The following ABL2 variants were observed in gnomAD, a reference collection of about 807,000 sequenced individuals.
ABL2 encodes tyrosine-protein kinase ABL2.
Under a neutral mutation model 107.7 loss-of-function variants are expected in ABL2, and 49 were observed. The ratio of observed to expected loss-of-function variants is 0.45; its 90% confidence interval spans 0.36 to 0.58. The LOEUF (loss-of-function observed/expected upper bound fraction) is 0.58. ABL2 is among the 20% of genes least tolerant of loss of function. The pLI, the probability that ABL2 is intolerant of heterozygous loss-of-function variation, is 0.00. For missense variants in ABL2, 1,245 were observed against 1,457.0 expected (o/e 0.85, Z 2.37); for synonymous variants, 549 against 548.6 (o/e 1.00, Z -0.01).
In ABL2 at chr1:179,121,854, G is replaced by A. The variant is rs779958436; in HGVS notation, c.701C>T (p.Ala234Val). 65 of 1,608,406 alleles carry A rather than the reference G, an allele frequency of 4.0e-5. No homozygotes were observed. The Middle Eastern group carries it at 5.1e-4, about 13-fold the overall frequency. Residue 234 changes from alanine (A) to valine (V), a missense_variant, in exon 5 of 12, where the codon GCT (alanine) becomes GTT (valine). Physicochemically the swap from Ala to Val is moderately conservative, Grantham distance 64. Transcript: ENST00000502732. ...TTADGKVYVT[A>V]ESRFSTLAEL... ...TGCCAAGGTGCTGAAGCGGCTCTCA[G>A]CAGTCACATACACCTGGTAAGAAAA...
intron 4 of ABL2, among the ~76,000 whole-genome samples, chr1:179,124,946 A>T (rs1309331918): frequency 6.6e-6 from 1 of 152,012 alleles, no homozygotes; most frequent in Non-Finnish European, 1.5e-5. Flanking sequence ...TGACTATCTA[A>T]CTCTAGAACA....
At chr1:179,111,117 G>A (rs1342557026) in intron 10 of ABL2, among the ~76,000 whole-genome samples, 1 of 150,966 alleles carries the variant, frequency 6.6e-6, no homozygotes, top group Non-Finnish European at 1.5e-5. Context: ...CCAAATAGCT[G>A]GGATTACAGG....
intron 1 of ABL2, among the ~76,000 whole-genome samples, chr1:179,141,967 G>A (rs915991030): frequency 9.9e-5 from 15 of 152,252 alleles, no homozygotes; most frequent in African/African-American, 3.6e-4. Context: ...TGTGGGAAGA[G>A]CAAGTAAATG....
rs1653235396 is a variant in ABL2 at position 179,103,046 on chromosome 1, A to C, written c.*4672T>G. ...CCCACCACATTTAGGATAAATGGCCAAGCATATAGTGGATAAATGGAGAAG... is the reference window on the plus strand; with the variant it reads ...CCCACCACATTTAGGATAAATGGCCCAGCATATAGTGGATAAATGGAGAAG... On this transcript the variant is annotated 3_prime_UTR_variant, in exon 12 of 12. Coordinates refer to ENST00000502732, the MANE Select transcript of ABL2 (RefSeq NM_007314.4). 2 of 223,248 alleles carry C rather than the reference A, an allele frequency of 9.0e-6. No homozygotes were observed. Among genetic ancestry groups the C allele is most frequent in the Non-Finnish European group, 8.9e-6 (1 of 111,812 alleles). The allele number at this position is 223,248 out of a possible 1,614,324, so 13.8% of individuals were successfully genotyped here. A position where few individuals can be genotyped will look rare whatever the true frequency, so the allele number is the denominator to read the frequency against.
rs1223632437 is a variant in ABL2 at position 179,105,111 on chromosome 1, T to C, written c.*2607A>G. Reference sequence around the variant, plus strand: ...ATAGTCAATGCCACTCTTGACAGTGTTGACAAAAATCAATTCCATTTATAT... The same window carrying C: ...ATAGTCAATGCCACTCTTGACAGTGCTGACAAAAATCAATTCCATTTATAT... On this transcript the variant is annotated 3_prime_UTR_variant, in exon 12 of 12. Coordinates refer to ENST00000502732, the MANE Select transcript of ABL2 (RefSeq NM_007314.4). 4.3e-6 allele frequency: 1 copy of C among 230,512 alleles called. No individual in the cohort carries two copies. Among genetic ancestry groups the C allele is most frequent in the Non-Finnish European group, 8.6e-6 (1 of 116,382 alleles). 14.3% of individuals were successfully genotyped at this position (230,512 alleles called of 1,614,324 possible).
At chr1:179,228,325 G>A (rs1663345467) in intron 1 of ABL2, among the ~76,000 whole-genome samples, 1 of 151,818 alleles carries the variant, frequency 6.6e-6, no homozygotes, top group Admixed American at 6.6e-5. Flanking sequence ...CCATCATGGG[G>A]ACCAAAGCGA....
rs1653544037 is a variant in ABL2 at position 179,107,463 on chromosome 1, C to T, written c.*255G>A. 1.9e-6 allele frequency: 1 copy of T among 535,600 alleles called. No individual in the cohort carries two copies. The highest frequency in any genetic ancestry group is 3.1e-6 in the Non-Finnish European group (1 of 327,622). The allele number at this position is 535,600 out of a possible 1,614,324, so 33.2% of individuals were successfully genotyped here. On this transcript the variant is annotated 3_prime_UTR_variant, in exon 12 of 12. Transcript: ENST00000502732. The stretch of plus-strand genomic sequence containing the variant: ...CTTCCTTATGACATACACATGTTCC[C>T]TATTTTCCAGTGCAGTTTCCAACCC...
At chr1:179,150,428 A>G (rs1413774864) in intron 1 of ABL2, among the ~76,000 whole-genome samples, 2 of 152,220 alleles carry the variant, frequency 1.3e-5, no homozygotes, top group African/African-American at 4.8e-5. Context: ...ATCTTCATGC[A>G]TAACTTTGAG....
At chr1:179,224,832 T>G (rs1185623812) in intron 1 of ABL2, among the ~76,000 whole-genome samples, 1 of 139,454 alleles carries the variant, frequency 7.2e-6, no homozygotes, top group African/African-American at 2.7e-5. Flanking sequence ...CTGAGCAACA[T>G]AGTGAGACCT....
chr1:179,184,284 G>A (rs1660558801), intron 1 of ABL2: 4 of 541,932 alleles, frequency 7.4e-6, no homozygotes, highest in East Asian at 6.7e-5. Flanking sequence ...TAAAAATAAA[G>A]TTATCTTCAA....
Position 179,107,878 on chromosome 1 carries a change from G to A in ABL2, c.3389C>T (p.Thr1130Ile). ...CTCTCGGAAGGCAAATTTGTTGCGA[G>A]TTTGAGGGATGCAGTCCACATAGCC... ...CSGYVDCIPQ[T>I]RNKFAFREAV... Residue 1130 changes from threonine (T) to isoleucine (I), a missense_variant, in exon 12 of 12, where the codon ACT (threonine) becomes ATT (isoleucine). Thr to Ile is a moderately conservative substitution (Grantham distance 89). Transcript: ENST00000502732. The A allele has an allele frequency of 6.2e-7, 1 of 1,614,234 alleles. No homozygotes were observed. The highest frequency in any genetic ancestry group is 8.5e-7 in the Non-Finnish European group (1 of 1,180,042).
At position 179,110,473 on chromosome 1, in the gene ABL2, G is replaced by T. The variant is rs889153379; in HGVS notation, c.1652-18C>A. The T allele has an allele frequency of 3.2e-6, 5 of 1,584,374 alleles. No individual in the cohort carries two copies. Among genetic ancestry groups the T allele is most frequent in the Non-Finnish European group, 4.3e-6 (5 of 1,170,768 alleles). On this transcript the variant is annotated intron_variant, in intron 10 of 11. Coordinates refer to ENST00000502732, the MANE Select transcript of ABL2 (RefSeq NM_007314.4). ...AGCTACCTCTGTGAGGAAGACAAGG[G>T]GACCAATAAAAAGAACAATTTCATA...
chr1:179,159,760 T>C (rs28914488), intron 1 of ABL2, among the ~76,000 whole-genome samples: 2,379 of 152,266 alleles, frequency 0.016, 42 homozygotes, highest in Non-Finnish European at 0.026. Context: ...TAATACAAAA[T>C]AATGTCTTAT....
In ABL2 at chr1:179,104,274, T is replaced by C. The variant is rs557394165; in HGVS notation, c.*3444A>G. On this transcript the variant is annotated 3_prime_UTR_variant, in exon 12 of 12. Transcript: ENST00000502732. ...GGAAACTGAGGCTCCCAAGGTTAAA[T>C]GACTTGCCTTTTAGACTGGCATTAG... The C allele has an allele frequency of 4.4e-6, 1 of 229,416 alleles. No individual in the cohort carries two copies. Among genetic ancestry groups the C allele is most frequent in the Admixed American group, 5.7e-5 (1 of 17,666 alleles). 14.2% of individuals were successfully genotyped at this position (229,416 alleles called of 1,614,324 possible). A position where few individuals can be genotyped will look rare whatever the true frequency, so the allele number is the denominator to read the frequency against.
intron 1 of ABL2, among the ~76,000 whole-genome samples, chr1:179,173,092 A>G (rs913597545): frequency 2.6e-5 from 4 of 151,170 alleles, no homozygotes; most frequent in Non-Finnish European, 5.9e-5. Flanking sequence ...CAGGAGGCTT[A>G]GGCAGGAGAA....
chr1:179,138,945 C>G (rs756058967), intron 1 of ABL2, among the ~76,000 whole-genome samples: 18 of 152,208 alleles, frequency 1.2e-4, no homozygotes, highest in Non-Finnish European at 2.4e-4. Flanking sequence ...TCGGAGCAGC[C>G]AGCCAGCCCT....
chr1:179,107,102 C>G lies in ABL2; in HGVS notation c.*616G>C, dbSNP rs1424693332. ...CAGCATTCTTTACTTCCTGCACTAA[C>G]TGATACACCAGCGGAAAATAGGACA... On this transcript the variant is annotated 3_prime_UTR_variant, in exon 12 of 12. Coordinates refer to ENST00000502732, the MANE Select transcript of ABL2 (RefSeq NM_007314.4). 4.3e-5 allele frequency: 10 copies of G among 231,010 alleles called. No homozygotes were observed. In the East Asian group the frequency reaches 6.1e-4, roughly 14 times the overall value. The allele number at this position is 231,010 out of a possible 1,614,324, so 14.3% of individuals were successfully genotyped here.
intron 1 of ABL2, among the ~76,000 whole-genome samples, chr1:179,189,282 T>C (rs1378587566): frequency 6.6e-6 from 1 of 152,088 alleles, no homozygotes; most frequent in African/African-American, 2.4e-5. Context: ...ATTACAGGTA[T>C]GCACCACCAC....
rs554364167 is a variant in ABL2, at chr1:179,217,472, A to C, written c.157+11769T>G. On this transcript the variant is annotated intron_variant, in intron 1 of 11. Coordinates refer to ENST00000502732, the MANE Select transcript of ABL2 (RefSeq NM_007314.4). Reference sequence around the variant, plus strand: ...GAAACCCCATCTCTACTAAAAACACAAAAATTAGCCGAGTGTGATGGCATG... The same window carrying C: ...GAAACCCCATCTCTACTAAAAACACCAAAATTAGCCGAGTGTGATGGCATG... Among the ~76,000 whole-genome samples the C allele has an allele frequency of 1.8e-4, 27 of 152,068 alleles. No homozygotes were observed. In the South Asian group the frequency reaches 5.6e-3, roughly 32 times the overall value.
Sources: gnomAD v4.1 joint callset for allele counts (sites outside exome capture counted in the v4.1 genomes callset) on GRCh38, gnomAD v4.1.1 for gene constraint, MANE v1.5 for transcripts, NCBI Gene and HGNC (gene_info 2026-07-23, HGNC 2026-07-21) for gene names.